Variants in LMBR1 observed in about 807,000 individuals in gnomAD.
LMBR1 encodes the protein limb development membrane protein 1, also known as limb region 1 protein homolog.
LMBR1 carries 52 observed loss-of-function variants against 73.9 expected under a neutral mutation model. The observed-to-expected ratio is 0.70, with a 90% CI of 0.56 to 0.89. The LOEUF (loss-of-function observed/expected upper bound fraction) is 0.89, where lower values mean the gene tolerates loss of function less well. LMBR1 is among the 40% of genes least tolerant of loss of function. The pLI is 0.00. For synonymous variants in LMBR1, 215 were observed against 209.4 expected (o/e 1.03, Z -0.23); for missense variants, 539 against 579.8 (o/e 0.93, Z 0.72).
Position 156,669,825 on chromosome 7 carries a change from AGAT to A in LMBR1, n.867-541_867-539del, listed in dbSNP as rs906263073. Reference sequence around the variant, plus strand: ...CATGGAGGGGAGGCTCAAAATAACCAGATGAGACGTGCAGTTGGGCCTGCAGCA... The same window carrying A: ...CATGGAGGGGAGGCTCAAAATAACCAGAGACGTGCAGTTGGGCCTGCAGCA... On this transcript the variant is annotated intron_variant and non_coding_transcript_variant, in intron 4 of 4. Transcript: ENST00000430825. This position sits in a 1 kb window ranked among gnomAD's most constrained non-coding sequence, Gnocchi z 4.2. 6.6e-6 allele frequency among the ~76,000 whole-genome samples: 1 copy of A among 152,172 alleles called. No individual in the cohort carries two copies. The highest frequency in any genetic ancestry group is 1.5e-5 in the Non-Finnish European group (1 of 68,024).
At position 156,763,930 on chromosome 7, in the gene LMBR1, C is replaced by T. The variant is rs911746187; in HGVS notation, c.424-135G>A. 21 of 585,450 alleles carry T rather than the reference C, an allele frequency of 3.6e-5. No individual in the cohort carries two copies. The highest frequency in any genetic ancestry group is 8.5e-5 in the South Asian group (2 of 23,580). The allele number at this position is 585,450 out of a possible 1,614,324, so 36.3% of individuals were successfully genotyped here. Reference sequence around the variant, plus strand: ...TATATTTATTAAAAGGAAAAAAACACTAGGTACTTATGGTTTACAATGTTT... The same window carrying T: ...TATATTTATTAAAAGGAAAAAAACATTAGGTACTTATGGTTTACAATGTTT... On this transcript the variant is annotated intron_variant, in intron 5 of 16. Coordinates refer to ENST00000353442, the MANE Select transcript of LMBR1 (RefSeq NM_022458.4).
intron 9 of LMBR1, among the ~76,000 whole-genome samples, chr7:156,738,998 G>T (rs993263793): frequency 2.6e-5 from 4 of 152,188 alleles, no homozygotes; most frequent in African/African-American, 9.6e-5. Flanking sequence ...CTTGGCCACA[G>T]TGGGGTAGAG....
In LMBR1 at chr7:156,684,667, C is replaced by A. The variant is rs951911274; in HGVS notation, c.1388-504G>T. 2.0e-5 allele frequency among the ~76,000 whole-genome samples: 3 copies of A among 152,184 alleles called. No individual in the cohort carries two copies. The East Asian group carries it at 5.8e-4, about 29-fold the overall frequency. On this transcript the variant is annotated intron_variant, in intron 16 of 16. Transcript: ENST00000353442. ...GTTCCCACTTGCATTTTAAAATGCACACACACAGGCTGGGCGTGGTGGCTC... is the reference window on the plus strand; with the variant it reads ...GTTCCCACTTGCATTTTAAAATGCAAACACACAGGCTGGGCGTGGTGGCTC...
intron 8 of LMBR1, among the ~76,000 whole-genome samples, chr7:156,759,031 C>T (rs1284999034): frequency 6.6e-6 from 1 of 152,200 alleles, no homozygotes; most frequent in African/African-American, 2.4e-5. Context: ...ATGGGTAAGA[C>T]ATAGTCCTTG....
At chr7:156,765,979 C>G (rs1824004953) in intron 5 of LMBR1, among the ~76,000 whole-genome samples, 1 of 152,090 alleles carries the variant, frequency 6.6e-6, no homozygotes, top group Non-Finnish European at 1.5e-5. Context: ...AATTATAACA[C>G]TGTAACAATA....
downstream of LMBR1, among the ~76,000 whole-genome samples, chr7:156,674,812 G>A (rs539131506): frequency 1.3e-5 from 2 of 152,186 alleles, no homozygotes; most frequent in Non-Finnish European, 2.9e-5. Context: ...TAATGTGACT[G>A]CCAGAAATTT....
intron 11 of LMBR1, 125 bp from the exon 12 acceptor site, chr7:156,728,132 T>C: frequency 3.1e-6 from 2 of 642,040 alleles, no homozygotes; most frequent in East Asian, 2.8e-5. Flanking sequence ...ACGCTATATA[T>C]AAAACTAAAG....
chr7:156,870,657 C>G (rs1319342478), intron 1 of LMBR1, among the ~76,000 whole-genome samples: 1 of 151,196 alleles, frequency 6.6e-6, no homozygotes, highest in Non-Finnish European at 1.5e-5. Flanking sequence ...CCCAGCTACT[C>G]GGGAGGCTGA....
chr7:156,708,053 C>T (rs923470731), intron 15 of LMBR1, among the ~76,000 whole-genome samples: 1 of 149,624 alleles, frequency 6.7e-6, no homozygotes, highest in Admixed American at 6.6e-5. Context: ...AAAAAAACTA[C>T]TATCTAGCTG....
chr7:156,801,279 A>G (rs936904348), intron 4 of LMBR1, among the ~76,000 whole-genome samples: 1 of 152,192 alleles, frequency 6.6e-6, no homozygotes, highest in African/African-American at 2.4e-5. Context: ...TCAAGGCAAG[A>G]CCTCCACCAG....
At chr7:156,769,979 T>C (rs560040259) in intron 5 of LMBR1, among the ~76,000 whole-genome samples, 55 of 152,210 alleles carry the variant, frequency 3.6e-4, no homozygotes, top group South Asian at 2.5e-3. Context: ...TTACGGCCCA[T>C]GCAGACCGCC....
chr7:156,883,629 C>A (rs932819573), intron 1 of LMBR1, among the ~76,000 whole-genome samples: 4 of 152,136 alleles, frequency 2.6e-5, no homozygotes, highest in African/African-American at 9.7e-5. Flanking sequence ...TTGAGTTTCA[C>A]TGGGCTAAAA....
At position 156,678,417 on chromosome 7, in the gene LMBR1, T is replaced by G. The variant is rs890246588; in HGVS notation, c.*5661A>C. 3 of 152,174 alleles carry G rather than the reference T, an allele frequency of 2.0e-5. No homozygotes were observed. Among genetic ancestry groups the G allele is most frequent in the African/African-American group, 7.2e-5 (3 of 41,428 alleles). The allele number at this position is 152,174 out of a possible 1,614,324, so 9.4% of individuals were successfully genotyped here. ...AAGTGGCCATGGAATGGCGCGCCCA[T>G]CGAAAGCTTGCGAGACCAAGTTGCA... On this transcript the variant is annotated 3_prime_UTR_variant, in exon 17 of 17. Transcript: ENST00000353442.
intron 9 of LMBR1, among the ~76,000 whole-genome samples, chr7:156,748,671 T>C (rs1390384677): frequency 2.0e-5 from 3 of 152,150 alleles, no homozygotes; most frequent in East Asian, 1.9e-4. Context: ...GTATTTTTAG[T>C]AGAGACGGTG....
chr7:156,687,979 C>T (rs1383974076), intron 16 of LMBR1, 51 bp downstream of exon 16: 2 of 1,460,744 alleles, frequency 1.4e-6, no homozygotes, highest in Non-Finnish European at 1.8e-6. Flanking sequence ...ACTCAAATGT[C>T]AAAATTATTT....
At chr7:156,697,050 A>C (rs560799709) in intron 15 of LMBR1, among the ~76,000 whole-genome samples, 6 of 145,578 alleles carry the variant, frequency 4.1e-5, no homozygotes, top group Non-Finnish European at 8.9e-5. Context: ...AGGCCAGCTG[A>C]GAGAGAGAGA....
chr7:156,803,380 A>G (rs1831373054), intron 4 of LMBR1, among the ~76,000 whole-genome samples: 1 of 152,268 alleles, frequency 6.6e-6, no homozygotes, highest in African/African-American at 2.4e-5. Context: ...ACATTTATGC[A>G]GCCAAAAAAC....
chr7:156,735,550 T>G (rs1817689804), intron 9 of LMBR1, among the ~76,000 whole-genome samples: 1 of 149,276 alleles, frequency 6.7e-6, no homozygotes, highest in Non-Finnish European at 1.5e-5. Context: ...AGAGTGGTGT[T>G]TTTTTTTTTT....
chr7:156,697,982 C>T (rs1808700243), intron 15 of LMBR1, among the ~76,000 whole-genome samples: 1 of 152,182 alleles, frequency 6.6e-6, no homozygotes, highest in Admixed American at 6.5e-5. Flanking sequence ...TCCAGCCAGT[C>T]CCTCCATTCG....
Sources: allele counts gnomAD v4.1 joint callset (sites outside exome capture counted in the v4.1 genomes callset), GRCh38; gene constraint gnomAD v4.1.1; non-coding constraint Gnocchi (gnomAD v3.1); transcripts MANE v1.5; gene names NCBI Gene and HGNC (gene_info 2026-07-23, HGNC 2026-07-21).